LRRN3: variants seen among roughly 807,000 people sequenced by gnomAD.
LRRN3 encodes leucine rich repeat neuronal 3, also known as leucine-rich repeat neuronal protein 3.
A neutral mutation model predicts 40.1 loss-of-function variants in LRRN3; 15 were observed. That is an observed-to-expected ratio of 0.37 (90% CI 0.25 to 0.58). The LOEUF is 0.58. Ranked by LOEUF, LRRN3 falls within the 20% of genes least tolerant of loss-of-function variation. LRRN3 has a pLI of 0.72. For synonymous variants in LRRN3, 308 were observed against 297.2 expected (o/e 1.04, Z -0.37); for missense variants, 746 against 837.7 (o/e 0.89, Z 1.35).
At chr7:111,120,900 T>C (rs914603352) in intron 2 of LRRN3, among the ~76,000 whole-genome samples, 6 of 152,094 alleles carry the variant, frequency 3.9e-5, no homozygotes, top group Non-Finnish European at 8.8e-5. Flanking sequence ...AACAGTATTA[T>C]TCATTTATTG....
intron 2 of LRRN3, among the ~76,000 whole-genome samples, chr7:111,107,688 T>G (rs562905617): frequency 6.6e-6 from 1 of 152,136 alleles, no homozygotes; most frequent in African/African-American, 2.4e-5. Flanking sequence ...TTTCATGCTC[T>G]GATTAAATGT....
At position 111,123,651 on chromosome 7, in the gene LRRN3, T is replaced by C. The variant is rs1800925512; in HGVS notation, c.879T>C (p.Asn293=). Residue 293 remains asparagine (N), a synonymous_variant, in exon 3 of 3, where the codon AAT becomes AAC. Transcript: ENST00000308478. This position sits in a 1 kb window ranked among gnomAD's most constrained non-coding sequence, Gnocchi z 6.4. The part of the protein sequence containing the change: ...MLHLKELGIN[N]MPELISIDSL... Reference sequence around the variant, plus strand: ...ACTTAAAAGAGTTGGGGATAAATAATATGCCTGAGCTGATTTCCATCGATA... The same window carrying C: ...ACTTAAAAGAGTTGGGGATAAATAACATGCCTGAGCTGATTTCCATCGATA... 7 of 1,613,950 alleles carry C rather than the reference T, an allele frequency of 4.3e-6. No homozygotes were observed. The highest frequency in any genetic ancestry group is 5.9e-6 in the Non-Finnish European group (7 of 1,179,958).
In LRRN3 at chr7:111,124,677, C is replaced by G. The variant is rs1407869025; in HGVS notation, c.1905C>G (p.Gly635=). Residue 635 remains glycine (G), a synonymous_variant, in exon 3 of 3, where the codon GGC becomes GGG. Transcript: ENST00000308478. The stretch of plus-strand genomic sequence containing the variant: ...CAACACTTATGGCCTGTCTTGGAGG[C>G]CTTCTGGGGATTATTGGTGTGATAT... The part of the protein sequence containing the change: ...NTTTLMACLG[G]LLGIIGVICL... 1.9e-6 allele frequency: 3 copies of G among 1,613,728 alleles called. No individual in the cohort carries two copies. The highest frequency in any genetic ancestry group is 1.7e-4 in the Middle Eastern group (1 of 6,058).
intron 2 of LRRN3, among the ~76,000 whole-genome samples, chr7:111,106,124 T>C (rs933760293): frequency 6.6e-6 from 1 of 151,956 alleles, no homozygotes; most frequent in Non-Finnish European, 1.5e-5. Flanking sequence ...ATACCAACAT[T>C]GGTGCACATT....
intron 2 of LRRN3, among the ~76,000 whole-genome samples, chr7:111,100,383 GTATA>G: frequency 6.7e-6 from 1 of 148,444 alleles, no homozygotes; most frequent in East Asian, 2.0e-4. Flanking sequence ...AAGATCAGGA[GTATA>G]TATATATAAT....
intron 2 of LRRN3, 142 bp downstream of exon 2, chr7:111,100,104 T>C (rs959744568): frequency 7.3e-5 from 11 of 151,668 alleles, no homozygotes; most frequent in African/African-American, 2.7e-4. Flanking sequence ...AAGCCCATGT[T>C]ATGGTGTCTT....
intron 2 of LRRN3, among the ~76,000 whole-genome samples, chr7:111,112,867 TGTG>T (rs1799405348): frequency 6.6e-6 from 1 of 152,116 alleles, no homozygotes; most frequent in East Asian, 1.9e-4. Flanking sequence ...CACCCGAAAA[TGTG>T]GTGCTATAAT....
chr7:111,117,916 G>C (rs896762412), intron 2 of LRRN3, among the ~76,000 whole-genome samples: 2 of 152,030 alleles, frequency 1.3e-5, no homozygotes, highest in African/African-American at 4.8e-5. Context: ...CAAAGAAGAA[G>C]GCACACTTTG....
chr7:111,101,954 G>T (rs1245961748), intron 2 of LRRN3, among the ~76,000 whole-genome samples: 1 of 151,230 alleles, frequency 6.6e-6, no homozygotes, highest in Non-Finnish European at 1.5e-5. Context: ...AAACTCTTCT[G>T]CCCACATGTT....
At chr7:111,106,364 T>A (rs967484271) in intron 2 of LRRN3, among the ~76,000 whole-genome samples, 1 of 151,958 alleles carries the variant, frequency 6.6e-6, no homozygotes, top group South Asian at 2.1e-4. Flanking sequence ...GTCAACTTTT[T>A]TGAAGGATCT....
At chr7:111,097,562 C>A (rs1416339783) in intron 1 of LRRN3, among the ~76,000 whole-genome samples, 1 of 151,628 alleles carries the variant, frequency 6.6e-6, no homozygotes, top group African/African-American at 2.4e-5. Context: ...TGTCAACTAA[C>A]TTTCAGCTTA....
intron 1 of LRRN3, chr7:111,097,120 T>C: frequency 6.6e-6 from 1 of 151,862 alleles, no homozygotes; most frequent in East Asian, 1.9e-4. Context: ...AAAGGCCCAC[T>C]GAATCAGTTA....
At position 111,123,586 on chromosome 7, in the gene LRRN3, A is replaced by G. The variant is rs768427197; in HGVS notation, c.814A>G (p.Ile272Val). Reference protein sequence around the residue: ...LKFLDLNKNPINRIRRGDFSN... With the variant: ...LKFLDLNKNPVNRIRRGDFSN... ...ATTTTTGGATCTAAATAAAAATCCT[A>G]TTAATAGAATACGAAGGGGTGATTT... The change falls in exon 3 of 3, where the codon ATT becomes GTT. Residue 272 changes from isoleucine to valine, a missense_variant. Physicochemically the swap from Ile to Val is conservative, Grantham distance 29 (BLOSUM62 3). Transcript: ENST00000308478. The surrounding 1 kb of genome is among the most constrained non-coding windows in gnomAD (Gnocchi z 6.4). The G allele has an allele frequency of 6.2e-7, 1 of 1,613,358 alleles. No individual in the cohort carries two copies. The highest frequency in any genetic ancestry group is 8.5e-7 in the Non-Finnish European group (1 of 1,179,486).
At chr7:111,122,052 G>A (rs1035184454) in intron 2 of LRRN3, among the ~76,000 whole-genome samples, 3 of 146,732 alleles carry the variant, frequency 2.0e-5, no homozygotes, top group Non-Finnish European at 4.5e-5. Context: ...ACACAGGAAG[G>A]GGAACATCAC....
intron 2 of LRRN3, among the ~76,000 whole-genome samples, chr7:111,115,287 A>G (rs1342012005): frequency 6.6e-6 from 1 of 151,622 alleles, no homozygotes; most frequent in East Asian, 1.9e-4. Context: ...AAGCATCAAG[A>G]GACAAGTTAT....
At position 111,124,927 on chromosome 7, in the gene LRRN3, A is replaced by T; in HGVS notation, c.*28A>T. The T allele has an allele frequency of 7.2e-7, 1 of 1,382,480 alleles. No homozygotes were observed. Among genetic ancestry groups the T allele is most frequent in the Non-Finnish European group, 9.7e-7 (1 of 1,025,668 alleles). 85.6% of individuals were successfully genotyped at this position (1,382,480 alleles called of 1,614,324 possible). On this transcript the variant is annotated 3_prime_UTR_variant, in exon 3 of 3. Transcript: ENST00000308478. ...ACCACCAAGGAAACCTACTCCAAAA[A>T]TGAACAAAAAAAAAAAAAGCGAAAG...
chr7:111,114,996 T>C (rs1040268961), intron 2 of LRRN3, among the ~76,000 whole-genome samples: 2 of 152,200 alleles, frequency 1.3e-5, no homozygotes, highest in Admixed American at 6.5e-5. Flanking sequence ...AATTATAACC[T>C]GAAGCAAATT....
At chr7:111,119,554 T>G (rs1800329499) in intron 2 of LRRN3, among the ~76,000 whole-genome samples, 1 of 152,230 alleles carries the variant, frequency 6.6e-6, no homozygotes, top group African/African-American at 2.4e-5. Context: ...TTTTAATCTC[T>G]GGATTTTAGT....
intron 2 of LRRN3, among the ~76,000 whole-genome samples, chr7:111,103,252 A>G (rs1312825475): frequency 6.6e-6 from 1 of 151,592 alleles, no homozygotes; most frequent in Non-Finnish European, 1.5e-5. Context: ...TAATAATTGT[A>G]CTTCTTTATC....
Sources: allele counts gnomAD v4.1 joint callset (sites outside exome capture counted in the v4.1 genomes callset), GRCh38; gene constraint gnomAD v4.1.1; non-coding constraint Gnocchi (gnomAD v3.1); transcripts MANE v1.5; gene names NCBI Gene and HGNC (gene_info 2026-07-23, HGNC 2026-07-21).